The following CELSR1 variants were observed in gnomAD, a reference collection of about 807,000 sequenced individuals.
CELSR1 encodes cadherin EGF LAG seven-pass G-type receptor 1, also known as adhesion G protein-coupled receptor C1.
A neutral mutation model predicts 249.1 loss-of-function variants in CELSR1; 110 were observed. That is an observed-to-expected ratio of 0.44 (90% CI 0.38 to 0.52). The LOEUF (loss-of-function observed/expected upper bound fraction) is 0.52. Ranked by LOEUF, CELSR1 falls within the 20% of genes least tolerant of loss-of-function variation. CELSR1 has a pLI of 0.00. For synonymous variants in CELSR1, 2,113 were observed against 1,900.0 expected (o/e 1.11, Z -2.92); for missense variants, 4,109 against 4,296.4 (o/e 0.96, Z 1.22).
chr22:46,415,172 T>G (rs1048184294), intron 5 of CELSR1, among the ~76,000 whole-genome samples: 10 of 152,126 alleles, frequency 6.6e-5, no homozygotes, highest in African/African-American at 2.4e-5. Context: ...TCTTTTGAGA[T>G]GGAATCTCGC....
intron 29 of CELSR1, 89 bp from the exon 30 acceptor site, chr22:46,366,569 CCA>C: frequency 9.8e-7 from 1 of 1,024,232 alleles, no homozygotes; most frequent in Non-Finnish European, 1.5e-6. Context: ...GGCAAGCCCC[CCA>C]CACCCACACC....
In CELSR1 at chr22:46,445,949, G is replaced by A. The variant is rs377609260; in HGVS notation, c.4184-6538C>T. 5.9e-5 allele frequency among the ~76,000 whole-genome samples: 9 copies of A among 151,856 alleles called. No homozygotes were observed. Among genetic ancestry groups the A allele is most frequent in the African/African-American group, 1.5e-4 (6 of 41,322 alleles). ...CCCCTGCACAGCCACAAGCCCCCTC[G>A]CCTCGCGGCCCCTGCTCCTGCCGCA... On this transcript the variant is annotated intron_variant, in intron 2 of 34. Coordinates refer to ENST00000674500, the MANE Select transcript of CELSR1 (RefSeq NM_001378328.1). This position sits in a 1 kb window ranked among gnomAD's most constrained non-coding sequence, Gnocchi z 4.4.
At chr22:46,529,381 G>A (rs2147811364) in intron 1 of CELSR1, among the ~76,000 whole-genome samples, 1 of 152,242 alleles carries the variant, frequency 6.6e-6, no homozygotes, top group South Asian at 2.1e-4. Flanking sequence ...GTTCACACTT[G>A]CTTGTGAGAT....
At chr22:46,373,111 G>A in intron 24 of CELSR1, 54 bp from the exon 25 acceptor site, 1 of 1,505,744 alleles carries the variant, frequency 6.6e-7, no homozygotes, top group East Asian at 2.4e-5. Flanking sequence ...GCTGAGGTCA[G>A]ACAGGCATGA....
Position 46,506,767 on chromosome 22 carries a change from T to C in CELSR1, c.3544+26860A>G, listed in dbSNP as rs149626514. On this transcript the variant is annotated intron_variant, in intron 1 of 34. Transcript: ENST00000674500. The surrounding 1 kb of genome is among the most constrained non-coding windows in gnomAD (Gnocchi z 4.1). Reference sequence around the variant, plus strand: ...GTGCCACCATCCAAATGTGGACAGATGCTGAGATCTCTCCGGAAAGATGCC... The same window carrying C: ...GTGCCACCATCCAAATGTGGACAGACGCTGAGATCTCTCCGGAAAGATGCC... Among the ~76,000 whole-genome samples the C allele has an allele frequency of 2.0e-5, 3 of 152,312 alleles. No individual in the cohort carries two copies. Among genetic ancestry groups the C allele is most frequent in the Non-Finnish European group, 4.4e-5 (3 of 68,034 alleles).
rs1290004249 is a variant in CELSR1 at position 46,408,123 on chromosome 22, C to T, written c.5226+873G>A. On this transcript the variant is annotated intron_variant, in intron 9 of 34. Coordinates refer to ENST00000674500, the MANE Select transcript of CELSR1 (RefSeq NM_001378328.1). This position sits in a 1 kb window ranked among gnomAD's most constrained non-coding sequence, Gnocchi z 4.6. ...GCAGAAACCGTGTGGCGCAGAAAAC[C>T]GGAGGAAAGAGTGCATTCGAATCAC... Among the ~76,000 whole-genome samples, 2 of 152,212 alleles carry T rather than the reference C, an allele frequency of 1.3e-5. No individual in the cohort carries two copies. Among genetic ancestry groups the T allele is most frequent in the East Asian group, 1.9e-4 (1 of 5,202 alleles).
At position 46,408,942 on chromosome 22, in the gene CELSR1, C is replaced by T. The variant is rs1035234098; in HGVS notation, c.5226+54G>A. 57 of 1,462,992 alleles carry T rather than the reference C, an allele frequency of 3.9e-5. No homozygotes were observed. Among genetic ancestry groups the T allele is most frequent in the Non-Finnish European group, 5.0e-5 (55 of 1,093,880 alleles). 90.6% of individuals were successfully genotyped at this position (1,462,992 alleles called of 1,614,324 possible). ...CACCAGGAAGCCCAGCGCCTGGGTCCCTCCCTCGGGCACCCACCTAGCAGG... is the reference window on the plus strand; with the variant it reads ...CACCAGGAAGCCCAGCGCCTGGGTCTCTCCCTCGGGCACCCACCTAGCAGG... On this transcript the variant is annotated intron_variant, in intron 9 of 34. Transcript: ENST00000674500. The surrounding 1 kb of genome is among the most constrained non-coding windows in gnomAD (Gnocchi z 4.6).
intron 3 of CELSR1, among the ~76,000 whole-genome samples, chr22:46,438,018 G>C (rs1360534796): frequency 1.3e-5 from 2 of 152,178 alleles, no homozygotes; most frequent in Non-Finnish European, 2.9e-5. Flanking sequence ...CCAGGTGGGG[G>C]CTGGTGGGCG....
At position 46,402,252 on chromosome 22, in the gene CELSR1, TG is replaced by T. The variant is rs1237723670; in HGVS notation, c.5227-2351del. Among the ~76,000 whole-genome samples the T allele has an allele frequency of 1.3e-5, 2 of 151,738 alleles. No homozygotes were observed. The highest frequency in any genetic ancestry group is 4.8e-5 in the African/African-American group (2 of 41,300). On this transcript the variant is annotated intron_variant, in intron 9 of 34. Transcript: ENST00000674500. This position sits in a 1 kb window ranked among gnomAD's most constrained non-coding sequence, Gnocchi z 5.0. Reference sequence around the variant, plus strand: ...TTTTTTTGAGACAGAGTTTCACTCTTGTTGCCCAGGCTGGAGTGCAATGGCA... The same window carrying T: ...TTTTTTTGAGACAGAGTTTCACTCTTTTGCCCAGGCTGGAGTGCAATGGCA...
rs1385279432 is a variant in CELSR1, at chr22:46,535,808, T to G, written c.1363A>C (p.Asn455His). The G allele has an allele frequency of 1.9e-6, 3 of 1,612,198 alleles. No individual in the cohort carries two copies. ...VYIEVEDEND[N>H]YPQFSEQNYV... Reference sequence around the variant, plus strand: ...TTCTGCTCGCTGAACTGGGGGTAGTTGTCGTTCTCGTCCTCCACCTCGATG... The same window carrying G: ...TTCTGCTCGCTGAACTGGGGGTAGTGGTCGTTCTCGTCCTCCACCTCGATG... The change falls in exon 1 of 35, where the codon AAC becomes CAC. Residue 455 changes from asparagine to histidine, a missense_variant. By Grantham distance (68) the Asn-to-His change is moderately conservative. This residue lies in a region of CELSR1 where 135 missense variants were observed against 190.0 expected (regional missense o/e 0.71). Coordinates refer to ENST00000674500, the MANE Select transcript of CELSR1 (RefSeq NM_001378328.1).
chr22:46,385,591 TGG>T (rs2079023264), intron 19 of CELSR1, among the ~76,000 whole-genome samples: 1 of 152,030 alleles, frequency 6.6e-6, no homozygotes, highest in South Asian at 2.1e-4. Flanking sequence ...ACCTGTCCCC[TGG>T]GAGCCACGGG....
At chr22:46,466,359 C>T (rs2080096772) in intron 1 of CELSR1, among the ~76,000 whole-genome samples, 1 of 152,242 alleles carries the variant, frequency 6.6e-6, no homozygotes, top group African/African-American at 2.4e-5. Context: ...GAAACACGTC[C>T]TCCAGTTCCT....
chr22:46,371,016 C>T (rs563053300), intron 25 of CELSR1, among the ~76,000 whole-genome samples: 2 of 152,336 alleles, frequency 1.3e-5, no homozygotes, highest in Admixed American at 1.3e-4. Flanking sequence ...CAAAGCCATA[C>T]GAGCCCCTTT....
intron 29 of CELSR1, 35 bp from the exon 30 acceptor site, chr22:46,366,515 G>T: frequency 6.7e-7 from 1 of 1,484,136 alleles, no homozygotes; most frequent in Non-Finnish European, 9.2e-7. Flanking sequence ...ACTGCCAAGT[G>T]GTGGCCACCA....
In CELSR1 at chr22:46,434,417, G is replaced by A. The variant is rs2079633950; in HGVS notation, c.4523-936C>T. ...TCCCGGGCAGAGAATACCGTCTCCA[G>A]GGAACCAGCAGGAGTTCTGGAAACG... On this transcript the variant is annotated intron_variant, in intron 4 of 34. Transcript: ENST00000674500. The surrounding 1 kb of genome is among the most constrained non-coding windows in gnomAD (Gnocchi z 4.9). Among the ~76,000 whole-genome samples the A allele has an allele frequency of 6.6e-6, 1 of 152,228 alleles. No individual in the cohort carries two copies. Among genetic ancestry groups the A allele is most frequent in the African/African-American group, 2.4e-5 (1 of 41,450 alleles).
chr22:46,508,599 A>G (rs765552265), intron 1 of CELSR1, among the ~76,000 whole-genome samples: 1 of 148,656 alleles, frequency 6.7e-6, no homozygotes, highest in Non-Finnish European at 1.5e-5. Flanking sequence ...GTGGCCTCCC[A>G]CCCCCTCACC....
chr22:46,529,144 T>C (rs1038903778), intron 1 of CELSR1, among the ~76,000 whole-genome samples: 4 of 150,600 alleles, frequency 2.7e-5, no homozygotes, highest in Non-Finnish European at 5.9e-5. Flanking sequence ...CGGGTACCTG[T>C]AGTCCCAGCT....
At chr22:46,376,360 G>T (rs1404706430) in intron 24 of CELSR1, among the ~76,000 whole-genome samples, 1 of 152,118 alleles carries the variant, frequency 6.6e-6, no homozygotes, top group African/African-American at 2.4e-5. Flanking sequence ...GGACTATTTA[G>T]TCTTTCTACA....
chr22:46,416,740 G>A (rs1227062794), intron 5 of CELSR1, among the ~76,000 whole-genome samples: 1 of 152,194 alleles, frequency 6.6e-6, no homozygotes, highest in Non-Finnish European at 1.5e-5. Context: ...CCGGGGTCCA[G>A]CCTCTTCTTA....
Sources: gnomAD v4.1 joint callset for allele counts (sites outside exome capture counted in the v4.1 genomes callset) on GRCh38, gnomAD v4.1.1 for gene constraint, gnomAD v4.1.1 regional missense constraint, Gnocchi (gnomAD v3.1) non-coding constraint, MANE v1.5 for transcripts, NCBI Gene and HGNC (gene_info 2026-07-23, HGNC 2026-07-21) for gene names.